DENND2A: variants seen among roughly 807,000 people sequenced by gnomAD.
DENND2A encodes DENN domain containing 2A.
A neutral mutation model predicts 105.3 loss-of-function variants in DENND2A; 53 were observed. The observed-to-expected ratio is 0.50, with a 90% CI of 0.40 to 0.63. The LOEUF (loss-of-function observed/expected upper bound fraction) is 0.63. DENND2A is among the 30% of genes least tolerant of loss of function. DENND2A has a pLI of 0.00. For synonymous variants in DENND2A, 522 were observed against 508.4 expected (o/e 1.03, Z -0.36); for missense variants, 1,138 against 1,279.6 (o/e 0.89, Z 1.69).
chr7:140,575,488 A>G (rs1012767581), intron 5 of DENND2A, among the ~76,000 whole-genome samples: 1 of 152,076 alleles, frequency 6.6e-6, no homozygotes, highest in Non-Finnish European at 1.5e-5. Context: ...TACTCTGCTG[A>G]TATACTCTTA....
Position 140,569,647 on chromosome 7 carries a change from T to C in DENND2A, c.1538A>G (p.Lys513Arg). Residue 513 changes from lysine (K) to arginine (R), a missense_variant and splice_region_variant, in exon 7 of 20, where the codon AAA becomes AGA. Physicochemically the swap from Lys to Arg is conservative, Grantham distance 26 (BLOSUM62 2). This residue lies in a region of DENND2A where 627 missense variants were observed against 779.8 expected (regional missense o/e 0.80). Transcript: ENST00000496613. ...LSQSMESNSGKVTDENSESDS... is the reference protein window; with the variant it reads ...LSQSMESNSGRVTDENSESDS... ...AGGGCTGGTGGTGGGGGTTCTACCT[T>C]TTCCTGAGTTGCTCTCCATTGACTG... is the stretch of plus-strand genomic sequence containing the variant. The C allele has an allele frequency of 6.2e-7, 1 of 1,607,530 alleles. No individual in the cohort carries two copies. Among genetic ancestry groups the C allele is most frequent in the Non-Finnish European group, 8.5e-7 (1 of 1,173,962 alleles).
At chr7:140,562,480 T>G (rs192616901) in intron 9 of DENND2A, among the ~76,000 whole-genome samples, 1 of 151,830 alleles carries the variant, frequency 6.6e-6, no homozygotes, top group East Asian at 2.0e-4. Flanking sequence ...GCTAACATGG[T>G]GAAACCCCGT....
rs1232406686 is a variant in DENND2A at position 140,518,708 on chromosome 7, T to A, written c.3029A>T (p.Ter1010LeuextTer91). Reference sequence around the variant, plus strand: ...GAAGTTTTCCCTTGAGGCTGAGAGTTATTTCTTGTGGAGAAATTTCATTTT... The same window carrying A: ...GAAGTTTTCCCTTGAGGCTGAGAGTAATTTCTTGTGGAGAAATTTCATTTT... ...GNKMKFLHKK[*>L] Residue 1010 changes from the stop codon to leucine, a stop_lost, in exon 20 of 20, where the codon TAA becomes TTA. Transcript: ENST00000496613. 1 of 1,613,714 alleles carries A rather than the reference T, an allele frequency of 6.2e-7. No individual in the cohort carries two copies. The highest frequency in any genetic ancestry group is 2.2e-5 in the East Asian group (1 of 44,882).
intron 1 of DENND2A, among the ~76,000 whole-genome samples, chr7:140,620,052 C>T (rs1415166739): frequency 6.6e-6 from 1 of 151,418 alleles, no homozygotes; most frequent in African/African-American, 2.4e-5. Context: ...AAAAATTAGG[C>T]GGGCATGGTG....
intron 9 of DENND2A, among the ~76,000 whole-genome samples, chr7:140,564,248 A>G (rs528768): frequency 0.44 from 66,563 of 149,620 alleles, 15,334 homozygotes; most frequent in African/African-American, 0.54. Flanking sequence ...GCACCACTGC[A>G]CTCTAGCTCA....
intron 1 of DENND2A, among the ~76,000 whole-genome samples, chr7:140,622,697 C>T (rs1216901272): frequency 6.6e-6 from 1 of 152,072 alleles, no homozygotes. Context: ...TCCACCAACC[C>T]TCTAGGGGGA....
Position 140,570,083 on chromosome 7 carries a change from C to T in DENND2A, c.1447-345G>A, listed in dbSNP as rs182754722. On this transcript the variant is annotated intron_variant, in intron 6 of 19. Coordinates refer to ENST00000496613, the MANE Select transcript of DENND2A (RefSeq NM_015689.5). Reference sequence around the variant, plus strand: ...CTAATTTTTGTATTTTTAGTAGAGACGGGGTTTCACCACATTGGCCAGGCT... The same window carrying T: ...CTAATTTTTGTATTTTTAGTAGAGATGGGGTTTCACCACATTGGCCAGGCT... Among the ~76,000 whole-genome samples, 960 of 152,122 alleles carry T rather than the reference C, an allele frequency of 6.3e-3. 6 individuals carry two copies. The highest frequency in any genetic ancestry group is 0.021 in the African/African-American group (866 of 41,500).
intron 6 of DENND2A, among the ~76,000 whole-genome samples, chr7:140,570,531 G>A (rs1359627793): frequency 6.6e-6 from 1 of 152,194 alleles, no homozygotes; most frequent in Non-Finnish European, 1.5e-5. Flanking sequence ...AACTGCTCCC[G>A]AGCCCTAGCT....
chr7:140,589,656 T>C (rs1202016866), intron 3 of DENND2A, among the ~76,000 whole-genome samples: 2 of 152,166 alleles, frequency 1.3e-5, no homozygotes, highest in African/African-American at 4.8e-5. Flanking sequence ...TAGAAACAGG[T>C]TCTCCCTCTG....
chr7:140,524,815 C>T (rs1469318292), intron 16 of DENND2A, among the ~76,000 whole-genome samples: 2 of 151,022 alleles, frequency 1.3e-5, no homozygotes, highest in Admixed American at 6.6e-5. Context: ...CTCCTGGGCT[C>T]AAGTGATCCT....
Position 140,567,292 on chromosome 7 carries a change from GAGAAAGAGAGAA to G in DENND2A, c.1592-31_1592-20del, listed in dbSNP as rs1322807626. The stretch of plus-strand genomic sequence containing the variant: ...CTGTGAGCTGGGTGAGGGAGGGAGA[GAGAAAGAGAGAA>G]AGAGAGAGAGAGAGAGAGAGAGAGA... On this transcript the variant is annotated intron_variant, in intron 8 of 19. Coordinates refer to ENST00000496613, the MANE Select transcript of DENND2A (RefSeq NM_015689.5). 1.1e-5 allele frequency: 13 copies of G among 1,162,986 alleles called. No individual in the cohort carries two copies. The African/African-American group carries it at 2.0e-4, about 18-fold the overall frequency. The allele number at this position is 1,162,986 out of a possible 1,614,324, so 72.0% of individuals were successfully genotyped here. A position where few individuals can be genotyped will look rare whatever the true frequency, so the allele number is the denominator to read the frequency against.
intron 14 of DENND2A, among the ~76,000 whole-genome samples, chr7:140,533,639 G>A (rs1796350210): frequency 6.6e-6 from 1 of 152,230 alleles, no homozygotes; most frequent in Non-Finnish European, 1.5e-5. Context: ...GGGGCTCCAG[G>A]ACAGCAGTGT....
chr7:140,562,624 A>T (rs1681794), intron 9 of DENND2A, among the ~76,000 whole-genome samples: 82,795 of 151,602 alleles, frequency 0.55, 23,195 homozygotes, highest in East Asian at 0.84. Flanking sequence ...ATCATGCCGC[A>T]GCACTCCAGC....
rs916950805 is a variant in DENND2A at position 140,530,076 on chromosome 7, T to C, written c.2328-2581A>G. Among the ~76,000 whole-genome samples, 188 of 119,960 alleles carry C rather than the reference T, an allele frequency of 1.6e-3. 1 individual carries two copies. The highest frequency in any genetic ancestry group is 7.3e-3 in the African/African-American group (181 of 24,832). The allele number at this position is 119,960 out of a possible 152,430, so 78.7% of individuals were successfully genotyped here. On this transcript the variant is annotated intron_variant, in intron 14 of 19. Transcript: ENST00000496613. ...CTGTTTCTCAAAAAAAAAAAAAAAA[T>C]AGCCTTTGGTGGTGACATGTGCCTG...
chr7:140,586,555 C>CAAAAAAT (rs990330808), intron 4 of DENND2A, among the ~76,000 whole-genome samples: 2 of 151,012 alleles, frequency 1.3e-5, no homozygotes, highest in Non-Finnish European at 3.0e-5. Flanking sequence ...ACTCCTGTCT[C>CAAAAAAT]AAAAAATAAA....
At chr7:140,634,655 G>T (rs2130743417) in intron 1 of DENND2A, among the ~76,000 whole-genome samples, 1 of 152,222 alleles carries the variant, frequency 6.6e-6, no homozygotes, top group African/African-American at 2.4e-5. Context: ...CGGATCACTT[G>T]AGGTCAGGAG....
intron 7 of DENND2A, among the ~76,000 whole-genome samples, chr7:140,569,105 T>C (rs919237249): frequency 1.3e-5 from 2 of 152,144 alleles, no homozygotes; most frequent in African/African-American, 2.4e-5. Context: ...TTCTATTTTT[T>C]AGTAGAGACA....
intron 14 of DENND2A, among the ~76,000 whole-genome samples, chr7:140,528,540 T>C (rs1585556589): frequency 1.3e-5 from 2 of 151,118 alleles, no homozygotes; most frequent in Admixed American, 6.6e-5. Flanking sequence ...GAGGCCGAGG[T>C]GAGTGGATCA....
intron 9 of DENND2A, among the ~76,000 whole-genome samples, chr7:140,566,684 A>AT (rs3043058): frequency 0.037 from 4,208 of 113,122 alleles, 296 homozygotes; most frequent in African/African-American, 0.13. Context: ...TGGCCATACT[A>AT]TTTTTTTTTT....
Sources: allele counts gnomAD v4.1 joint callset (sites outside exome capture counted in the v4.1 genomes callset), GRCh38; gene constraint gnomAD v4.1.1; regional missense constraint gnomAD v4.1.1; transcripts MANE v1.5; gene names NCBI Gene and HGNC (gene_info 2026-07-23, HGNC 2026-07-21).